The following MAPKAP1 variants were observed in gnomAD, a reference collection of about 807,000 sequenced individuals.
The protein encoded by MAPKAP1 is MAPK associated protein 1.
Under a neutral mutation model 65.7 loss-of-function variants are expected in MAPKAP1, and 20 were observed. The ratio of observed to expected loss-of-function variants is 0.30; its 90% CI spans 0.21 to 0.44. MAPKAP1 has a LOEUF of 0.44. Ranked by LOEUF, MAPKAP1 falls within the 20% of genes least tolerant of loss-of-function variation. The pLI, the probability that MAPKAP1 is intolerant of heterozygous loss-of-function variation, is 1.00. For missense variants in MAPKAP1, 423 were observed against 648.0 expected, an observed-to-expected ratio of 0.65 and a Z score of 3.77; for synonymous variants, 222 against 244.3, an observed-to-expected ratio of 0.91 and a Z score of 0.85.
intron 7 of MAPKAP1, among the ~76,000 whole-genome samples, chr9:125,537,901 T>C (rs911395608): frequency 6.6e-6 from 1 of 152,206 alleles, no homozygotes; most frequent in African/African-American, 2.4e-5. Flanking sequence ...GCCAGTCTAG[T>C]ACAGCAGGTC....
chr9:125,634,434 T>G (rs1408955194), intron 4 of MAPKAP1, among the ~76,000 whole-genome samples: 1 of 152,170 alleles, frequency 6.6e-6, no homozygotes, highest in Admixed American at 6.5e-5. Context: ...AATGAGTCAC[T>G]CAGGGAAAAG....
At chr9:125,500,149 T>C (rs1156979560) in intron 8 of MAPKAP1, among the ~76,000 whole-genome samples, 3 of 152,166 alleles carry the variant, frequency 2.0e-5, no homozygotes, top group African/African-American at 7.2e-5. Context: ...CACTAATGTT[T>C]GTTATCATTT....
intron 11 of MAPKAP1, among the ~76,000 whole-genome samples, chr9:125,443,549 CGCTTCT>C (rs1936998661): frequency 6.6e-6 from 1 of 152,158 alleles, no homozygotes; most frequent in Non-Finnish European, 1.5e-5. Flanking sequence ...CAGCATCTGG[CGCTTCT>C]TGGAAACGTA....
In MAPKAP1 at chr9:125,504,236, C is replaced by A. The variant is rs560108814; in HGVS notation, c.1066+2074G>T. ...GTGGCTCTAAAATGTTTGTATTTTA[C>A]AATGTTGATAAGGATAAATATTTTC... On this transcript the variant is annotated intron_variant, in intron 8 of 11. Transcript: ENST00000265960. Among the ~76,000 whole-genome samples, 3 of 152,246 alleles carry A rather than the reference C, an allele frequency of 2.0e-5. No individual in the cohort carries two copies. The South Asian group carries it at 6.2e-4, about 32-fold the overall frequency.
At chr9:125,560,774 CAG>C (rs1830869598) in intron 5 of MAPKAP1, among the ~76,000 whole-genome samples, 1 of 152,148 alleles carries the variant, frequency 6.6e-6, no homozygotes, top group African/African-American at 2.4e-5. Flanking sequence ...AGTCCTGACA[CAG>C]ATACCTGGTC....
intron 7 of MAPKAP1, among the ~76,000 whole-genome samples, chr9:125,509,515 T>C (rs939166904): frequency 2.0e-5 from 3 of 152,250 alleles, no homozygotes; most frequent in Admixed American, 6.5e-5. Flanking sequence ...TTGAGGCTAC[T>C]ATAATTAGCA....
intron 4 of MAPKAP1, among the ~76,000 whole-genome samples, chr9:125,645,990 T>A (rs1833716196): frequency 6.6e-6 from 1 of 152,144 alleles, no homozygotes. Flanking sequence ...AAAACAAAGC[T>A]GCCCTTAACA....
chr9:125,543,262 G>T, intron 6 of MAPKAP1, 94 bp from the exon 7 acceptor site: 1 of 937,682 alleles, frequency 1.1e-6, no homozygotes, highest in Non-Finnish European at 1.7e-6. Flanking sequence ...TTTTTTTGTT[G>T]TTGTTTGTTT....
intron 4 of MAPKAP1, among the ~76,000 whole-genome samples, chr9:125,594,609 C>T (rs1447282016): frequency 2.0e-5 from 3 of 152,142 alleles, no homozygotes; most frequent in East Asian, 1.9e-4. Context: ...AGGTAGAAGA[C>T]GAAATAAATT....
chr9:125,693,424 AAAAT>A (rs1477872523), intron 1 of MAPKAP1, among the ~76,000 whole-genome samples: 6 of 136,414 alleles, frequency 4.4e-5, no homozygotes, highest in Admixed American at 1.5e-4. Context: ...CAAAAAAAAA[AAAAT>A]ATATATATAT....
intron 9 of MAPKAP1, among the ~76,000 whole-genome samples, chr9:125,475,639 TGAAA>T (rs1854076993): frequency 6.6e-6 from 1 of 152,226 alleles, no homozygotes; most frequent in African/African-American, 2.4e-5. Flanking sequence ...GCAGAGCTTA[TGAAA>T]TCAGACCTGG....
At chr9:125,600,846 C>T (rs1832279865) in intron 4 of MAPKAP1, among the ~76,000 whole-genome samples, 1 of 152,150 alleles carries the variant, frequency 6.6e-6, no homozygotes, top group Admixed American at 6.5e-5. Context: ...TAATGTTACA[C>T]AGTGCTTTGC....
At chr9:125,534,239 C>A (rs971771004) in intron 7 of MAPKAP1, among the ~76,000 whole-genome samples, 1 of 152,028 alleles carries the variant, frequency 6.6e-6, no homozygotes, top group African/African-American at 2.4e-5. Flanking sequence ...TGTATGTGAA[C>A]TGAAGAAAAA....
At chr9:125,619,099 C>A (rs1418541460) in intron 4 of MAPKAP1, among the ~76,000 whole-genome samples, 1 of 152,154 alleles carries the variant, frequency 6.6e-6, no homozygotes, top group African/African-American at 2.4e-5. Flanking sequence ...TGCCACTGCA[C>A]CCCATCCTGG....
intron 5 of MAPKAP1, chr9:125,565,432 T>G (rs951278427): frequency 5.7e-6 from 1 of 174,842 alleles, no homozygotes. Context: ...GATGACCAGA[T>G]AGATGAATGC....
At chr9:125,590,434 T>G (rs956603607) in intron 4 of MAPKAP1, among the ~76,000 whole-genome samples, 6 of 152,034 alleles carry the variant, frequency 3.9e-5, no homozygotes, top group African/African-American at 9.7e-5. Flanking sequence ...TGGATCACCT[T>G]GGGTCAGGAG....
chr9:125,680,556 A>G (rs751983088), intron 1 of MAPKAP1, among the ~76,000 whole-genome samples: 34 of 152,224 alleles, frequency 2.2e-4, no homozygotes, highest in Non-Finnish European at 4.4e-4. Flanking sequence ...AATTTCATTA[A>G]GCAGTAAATT....
intron 4 of MAPKAP1, among the ~76,000 whole-genome samples, chr9:125,640,126 C>T (rs555135387): frequency 7.9e-5 from 12 of 151,796 alleles, no homozygotes; most frequent in East Asian, 3.9e-4. Flanking sequence ...TTTTTTGAGA[C>T]GGAGTCTCGC....
At chr9:125,536,481 G>T (rs1033107487) in intron 7 of MAPKAP1, among the ~76,000 whole-genome samples, 2 of 152,184 alleles carry the variant, frequency 1.3e-5, no homozygotes, top group African/African-American at 4.8e-5. Flanking sequence ...CCCTATGCAT[G>T]AGTGGCATCA....
Sources: allele counts gnomAD v4.1 joint callset (sites outside exome capture counted in the v4.1 genomes callset), GRCh38; gene constraint gnomAD v4.1.1; transcripts MANE v1.5; gene names NCBI Gene and HGNC (gene_info 2026-07-23, HGNC 2026-07-21).